The following ATAD3A variants were observed in gnomAD, a reference collection of about 807,000 sequenced individuals.
ATAD3A encodes ATPase family AAA domain containing 3A.
ATAD3A carries 46 observed loss-of-function variants against 73.8 expected under a neutral mutation model. That is an observed-to-expected ratio of 0.62 (90% confidence interval 0.49 to 0.80). The LOEUF (loss-of-function observed/expected upper bound fraction) is 0.80. Ranked by LOEUF, ATAD3A falls within the 30% of genes least tolerant of loss-of-function variation. ATAD3A has a pLI of 0.00. For synonymous variants in ATAD3A, 319 were observed against 350.0 expected, an observed-to-expected ratio of 0.91 and a Z score of 0.99; for missense variants, 705 against 838.0, an observed-to-expected ratio of 0.84 and a Z score of 1.96.
At chr1:1,522,982 TC>T (rs1641660310) in intron 8 of ATAD3A, 83 bp downstream of exon 8, 27 of 1,539,848 alleles carry the variant, frequency 1.8e-5, no homozygotes, top group Non-Finnish European at 2.3e-5. Flanking sequence ...ACGCACACCC[TC>T]CCGTCCCTTC....
rs1345144325 is a variant in ATAD3A, at chr1:1,524,335, G to C, written c.1152G>C (p.Met384Ile). ...TGACAGGCGGGGACGTGGCCCCCATGGGGCGGGAAGGCGTGACCGCCATGC... is the reference window on the plus strand; with the variant it reads ...TGACAGGCGGGGACGTGGCCCCCATCGGGCGGGAAGGCGTGACCGCCATGC... ...AIMTGGDVAP[M>I]GREGVTAMHK... Residue 384 changes from methionine (M) to isoleucine (I), a missense_variant, in exon 11 of 16, where the codon ATG (methionine) becomes ATC (isoleucine). Around this residue, in one of 5 missense-constraint regions of ATAD3A, gnomAD observed 6 missense variants for 26.7 expected, o/e 0.23. Coordinates refer to ENST00000378756, the MANE Select transcript of ATAD3A (RefSeq NM_001170535.3). 1 of 1,612,428 alleles carries C rather than the reference G, an allele frequency of 6.2e-7. No homozygotes were observed. Among genetic ancestry groups the C allele is most frequent in the Non-Finnish European group, 8.5e-7 (1 of 1,179,226 alleles).
At chr1:1,518,497 C>CAGTCACAGGTTTTAAAG (rs1641453631) in intron 4 of ATAD3A, among the ~76,000 whole-genome samples, 2 of 113,840 alleles carry the variant, frequency 1.8e-5, no homozygotes, top group South Asian at 3.4e-4. Flanking sequence ...CACATGGGCA[C>CAGTCACAGGTTTTAAAG]GCACACAACC....
rs1454127302 is a variant in ATAD3A at position 1,529,258 on chromosome 1, A to G, written c.1541A>G (p.Lys514Arg). Residue 514 changes from lysine to arginine, a missense_variant, in exon 15 of 16, where the codon AAG (lysine) becomes AGG (arginine). Transcript: ENST00000378756. ...LKLAQFDYGR[K>R]CSEVARLTEG... ...CTGGCCCAGTTTGACTACGGGAGGA[A>G]GTGCTCGGAGGTCGCTCGGCTGACG... 2 of 1,608,868 alleles carry G rather than the reference A, an allele frequency of 1.2e-6. No individual in the cohort carries two copies. The highest frequency in any genetic ancestry group is 2.7e-5 in the African/African-American group (2 of 74,904).
intron 11 of ATAD3A, among the ~76,000 whole-genome samples, chr1:1,524,995 G>A (rs1324261346): frequency 1.3e-5 from 2 of 152,216 alleles, no homozygotes; most frequent in Non-Finnish European, 2.9e-5. Flanking sequence ...TGAAGCCTGT[G>A]GGGCGGAGTT....
rs899274337 is a variant in ATAD3A at position 1,520,703 on chromosome 1, G to A, written c.750+86G>A. ...TGGAGCCCCAGGTCCTGTCCCTGCC[G>A]GCTCTGCACAGCCCTGTAGCTCTCC... On this transcript the variant is annotated intron_variant, in intron 7 of 15. Transcript: ENST00000378756. This position sits in a 1 kb window ranked among gnomAD's most constrained non-coding sequence, Gnocchi z 4.0. 28 of 1,602,008 alleles carry A rather than the reference G, an allele frequency of 1.7e-5. No individual in the cohort carries two copies. Among genetic ancestry groups the A allele is most frequent in the African/African-American group, 5.4e-5 (4 of 74,682 alleles).
intron 15 of ATAD3A, among the ~76,000 whole-genome samples, chr1:1,529,983 G>A (rs2100683134): frequency 6.6e-6 from 1 of 152,376 alleles, no homozygotes; most frequent in East Asian, 1.9e-4. Context: ...ACCACCTCTG[G>A]GGTCCGCAGA....
At position 1,522,908 on chromosome 1, in the gene ATAD3A, G is replaced by A. The variant is rs534162298; in HGVS notation, c.906+9G>A. On this transcript the variant is annotated intron_variant, in intron 8 of 15. Transcript: ENST00000378756. The stretch of plus-strand genomic sequence containing the variant: ...TGCGGCACCCCATCCAGGTAGCAGC[G>A]CAGGCCTGGCCCTCCCTGAGTGCAG... The A allele has an allele frequency of 6.2e-6, 10 of 1,605,592 alleles. No homozygotes were observed. The highest frequency in any genetic ancestry group is 4.4e-5 in the South Asian group (4 of 89,896).
rs192532467 is a variant in ATAD3A, at chr1:1,525,904, C to T, written c.1267-557C>T. 5.1e-3 allele frequency among the ~76,000 whole-genome samples: 769 copies of T among 152,246 alleles called. 11 individuals are homozygous for T. The highest frequency in any genetic ancestry group is 0.018 in the African/African-American group (734 of 41,532). ...TGTAATTTTAGTAGAGATGGAGTTTCCTCACGTTGCCCAGACTGGGCTCAA... is the reference window on the plus strand; with the variant it reads ...TGTAATTTTAGTAGAGATGGAGTTTTCTCACGTTGCCCAGACTGGGCTCAA... On this transcript the variant is annotated intron_variant, in intron 12 of 15. Coordinates refer to ENST00000378756, the MANE Select transcript of ATAD3A (RefSeq NM_001170535.3).
Position 1,526,551 on chromosome 1 carries a change from C to T in ATAD3A, c.1337+20C>T, listed in dbSNP as rs1415002138. 1 of 1,611,766 alleles carries T rather than the reference C, an allele frequency of 6.2e-7. No individual in the cohort carries two copies. The highest frequency in any genetic ancestry group is 2.2e-5 in the East Asian group (1 of 44,892). ...CAACAAGTGAGGGAGCCCCTCGGGT[C>T]CTGGGCCCCCGGGCAGGGCTGTGCA... On this transcript the variant is annotated intron_variant, in intron 13 of 15. Transcript: ENST00000378756.
At chr1:1,518,844 GCA>G in intron 4 of ATAD3A, 75 bp from the exon 5 acceptor site, 1 of 1,611,442 alleles carries the variant, frequency 6.2e-7, no homozygotes, top group Non-Finnish European at 8.5e-7. Context: ...GCACACTCGG[GCA>G]CAGTCATCCC....
At chr1:1,525,921 T>G (rs1185520347) in intron 12 of ATAD3A, among the ~76,000 whole-genome samples, 2 of 152,174 alleles carry the variant, frequency 1.3e-5, no homozygotes, top group African/African-American at 4.8e-5. Flanking sequence ...TTGCCCAGAC[T>G]GGGCTCAAAC....
chr1:1,525,388 T>A, intron 12 of ATAD3A, 97 bp downstream of exon 12: 3 of 1,348,240 alleles, frequency 2.2e-6, no homozygotes, highest in East Asian at 2.3e-5. Flanking sequence ...TTTCTTTTTC[T>A]CTGTAAGCTT....
chr1:1,517,181 C>T (rs1232299104), intron 2 of ATAD3A, 130 bp from the exon 3 acceptor site: 2 of 1,547,740 alleles, frequency 1.3e-6, no homozygotes, highest in Non-Finnish European at 1.7e-6. Flanking sequence ...GGCTGGAAGC[C>T]CTGAGCCTGC....
At chr1:1,526,267 C>T (rs577972248) in intron 12 of ATAD3A, among the ~76,000 whole-genome samples, 194 bp from the exon 13 acceptor site, 20 of 152,064 alleles carry the variant, frequency 1.3e-4, no homozygotes, top group East Asian at 5.8e-4. Context: ...GTGATCTGCC[C>T]GCCTCAGCCT....
rs376246461 is a variant in ATAD3A, at chr1:1,532,825, C to T, written c.1615-1101C>T. ...GTGCGGCTCTGGTCAGTGTCTCCTGCGCTCCCAGGCCCCTGACCCACAGTG... is the reference window on the plus strand; with the variant it reads ...GTGCGGCTCTGGTCAGTGTCTCCTGTGCTCCCAGGCCCCTGACCCACAGTG... On this transcript the variant is annotated intron_variant, in intron 15 of 15. Coordinates refer to ENST00000378756, the MANE Select transcript of ATAD3A (RefSeq NM_001170535.3). Among the ~76,000 whole-genome samples the T allele has an allele frequency of 4.7e-3, 709 of 152,110 alleles. 4 individuals are homozygous for T. The highest frequency in any genetic ancestry group is 0.016 in the African/African-American group (665 of 41,500).
Position 1,520,111 on chromosome 1 carries a change from G to C in ATAD3A, c.515-30G>C, listed in dbSNP as rs1023149420. The stretch of plus-strand genomic sequence containing the variant: ...GGAGGTGGACGCGCTGCACTGCATG[G>C]TGCTGAGCTGCCCTGCCTCTCTGGG... On this transcript the variant is annotated intron_variant, in intron 5 of 15. Transcript: ENST00000378756. This position sits in a 1 kb window ranked among gnomAD's most constrained non-coding sequence, Gnocchi z 4.0. The C allele has an allele frequency of 6.2e-7, 1 of 1,600,878 alleles. No individual in the cohort carries two copies. Among genetic ancestry groups the C allele is most frequent in the African/African-American group, 1.3e-5 (1 of 74,516 alleles).
At chr1:1,524,225 G>C in intron 10 of ATAD3A, 48 bp from the exon 11 acceptor site, 1 of 1,613,612 alleles carries the variant, frequency 6.2e-7, no homozygotes, top group South Asian at 1.1e-5. Flanking sequence ...AGGCTTTGCA[G>C]AGGCGGAGGG....
Position 1,527,955 on chromosome 1 carries a change from TTCC to T in ATAD3A, c.1505+95_1505+97del, listed in dbSNP as rs1482051816. 462 of 1,276,006 alleles carry T rather than the reference TTCC, an allele frequency of 3.6e-4. 4 individuals are homozygous for T. Among genetic ancestry groups the T allele is most frequent in the South Asian group, 2.4e-3 (142 of 59,204 alleles). 79.0% of individuals were successfully genotyped at this position (1,276,006 alleles called of 1,614,324 possible). ...CACCATCACTTACAAACCTTTAACA[TTCC>T]TTTTTTTTTTTTTTTTTTGAGACAA... On this transcript the variant is annotated intron_variant, in intron 14 of 15. Coordinates refer to ENST00000378756, the MANE Select transcript of ATAD3A (RefSeq NM_001170535.3).
At position 1,520,451 on chromosome 1, in the gene ATAD3A, G is replaced by T. The variant is rs1641549272; in HGVS notation, c.681-97G>T. 6.2e-7 allele frequency: 1 copy of T among 1,606,864 alleles called. No individual in the cohort carries two copies. The highest frequency in any genetic ancestry group is 8.5e-7 in the Non-Finnish European group (1 of 1,175,020). On this transcript the variant is annotated intron_variant, in intron 6 of 15. Transcript: ENST00000378756. This position sits in a 1 kb window ranked among gnomAD's most constrained non-coding sequence, Gnocchi z 4.0. ...GGCACTGCCCCTCTGTCCTGGCAAGGCCGTGCCGCCATGTCAGGGCCTCAC... is the reference window on the plus strand; with the variant it reads ...GGCACTGCCCCTCTGTCCTGGCAAGTCCGTGCCGCCATGTCAGGGCCTCAC...
Sources: allele counts gnomAD v4.1 joint callset (sites outside exome capture counted in the v4.1 genomes callset), GRCh38; gene constraint gnomAD v4.1.1; regional missense constraint gnomAD v4.1.1; non-coding constraint Gnocchi (gnomAD v3.1); transcripts MANE v1.5; gene names NCBI Gene and HGNC (gene_info 2026-07-23, HGNC 2026-07-21).